The following TANC1 variants were observed in gnomAD, a reference collection of about 807,000 sequenced individuals.
The protein encoded by TANC1 is tetratricopeptide repeat, ankyrin repeat and coiled-coil containing 1.
Under a neutral mutation model 149.7 loss-of-function variants are expected in TANC1, and 77 were observed. The ratio of observed to expected loss-of-function variants is 0.51; its 90% CI spans 0.43 to 0.62. The LOEUF (loss-of-function observed/expected upper bound fraction) is 0.62, where lower values mean the gene tolerates loss of function less well. Among genes scored for constraint, TANC1 ranks in the 20% least tolerant of loss-of-function variants. The pLI, the probability that TANC1 is intolerant of heterozygous loss-of-function variation, is 0.00. For missense variants in TANC1, 1,985 were observed against 2,321.8 expected (o/e 0.85, Z 2.98); for synonymous variants, 854 against 925.0 (o/e 0.92, Z 1.39).
chr2:159,111,705 C>G (rs968042745), intron 4 of TANC1, among the ~76,000 whole-genome samples: 1 of 152,170 alleles, frequency 6.6e-6, no homozygotes, highest in African/African-American at 2.4e-5. Context: ...GCCTCCTCCT[C>G]TTAGAGTGCA....
At chr2:159,046,669 G>A (rs895533349) in intron 2 of TANC1, among the ~76,000 whole-genome samples, 5 of 136,960 alleles carry the variant, frequency 3.7e-5, no homozygotes, top group Admixed American at 1.6e-4. Context: ...GCACAATCTC[G>A]GCTCATTGCA....
At chr2:159,197,252 C>A (rs1262034579) in intron 18 of TANC1, among the ~76,000 whole-genome samples, 1 of 152,188 alleles carries the variant, frequency 6.6e-6, no homozygotes, top group Non-Finnish European at 1.5e-5. Context: ...TTGTCATTTA[C>A]AGCTCCTCCA....
chr2:158,998,632 C>G (rs531667233), intron 1 of TANC1, among the ~76,000 whole-genome samples: 6 of 152,298 alleles, frequency 3.9e-5, no homozygotes, highest in Non-Finnish European at 8.8e-5. Flanking sequence ...ACCCACTGGA[C>G]TGACGTGGAT....
rs115924071 is a variant in TANC1, at chr2:159,106,665, T to A, written c.259+8831T>A. Among the ~76,000 whole-genome samples the A allele has an allele frequency of 3.2e-3, 480 of 152,374 alleles. 1 individual carries two copies. The highest frequency in any genetic ancestry group is 0.011 in the African/African-American group (454 of 41,588). The stretch of plus-strand genomic sequence containing the variant: ...GTGTCTGCATTTTTATATGGACATA[T>A]ATTTTTCCCTTGGGTATATACCTAG... On this transcript the variant is annotated intron_variant, in intron 4 of 26. Transcript: ENST00000263635.
At chr2:159,225,911 G>A in intron 24 of TANC1, 132 bp downstream of exon 24, 1 of 771,836 alleles carries the variant, frequency 1.3e-6, no homozygotes, top group Non-Finnish European at 2.2e-6. Flanking sequence ...GCTGGGTGGG[G>A]TGGCTCACGC....
chr2:159,214,642 A>T (rs142011418), intron 19 of TANC1, among the ~76,000 whole-genome samples: 106 of 152,346 alleles, frequency 7.0e-4, no homozygotes, highest in East Asian at 1.9e-4. Flanking sequence ...TGAAGTTGTT[A>T]CGCCTCTTGG....
At chr2:159,066,043 G>A (rs1263471055) in intron 3 of TANC1, 72 bp downstream of exon 3, 4 of 1,227,884 alleles carry the variant, frequency 3.3e-6, no homozygotes, top group Non-Finnish European at 4.8e-6. Flanking sequence ...CAGGCCGGAT[G>A]GATTTGTTGC....
At chr2:159,197,632 G>C (rs574837984) in intron 18 of TANC1, among the ~76,000 whole-genome samples, 349 of 151,058 alleles carry the variant, frequency 2.3e-3, no homozygotes, top group African/African-American at 7.7e-3. Flanking sequence ...CACACACAGA[G>C]AGATACTGTT....
intron 5 of TANC1, among the ~76,000 whole-genome samples, chr2:159,142,211 G>A (rs2051451237): frequency 6.6e-6 from 1 of 152,222 alleles, no homozygotes; most frequent in South Asian, 2.1e-4. Flanking sequence ...TTCTGACAGT[G>A]TAGGCTGTGG....
At chr2:159,228,517 TCTCTGAGGCTGCCCCTC>T (rs554380932) in intron 25 of TANC1, 279 of 424,998 alleles carry the variant, frequency 6.6e-4, no homozygotes, top group African/African-American at 5.1e-3. Flanking sequence ...TCTGCGCTCC[TCTCTGAGGCTGCCCCTC>T]CACCGGGCTG....
Position 159,219,823 on chromosome 2 carries a change from C to T in TANC1, c.3634C>T (p.Arg1212Cys), listed in dbSNP as rs768936831. 26 of 1,613,706 alleles carry T rather than the reference C, an allele frequency of 1.6e-5. No individual in the cohort carries two copies. Among genetic ancestry groups the T allele is most frequent in the Non-Finnish European group, 2.2e-5 (26 of 1,180,018 alleles). The change falls in exon 22 of 27, where the codon CGC becomes TGC. Residue 1212 changes from arginine to cysteine, a missense_variant. Transcript: ENST00000263635. Reference protein sequence around the residue: ...AAIDQTDKNGRTPLDLAAFYG... With the variant: ...AAIDQTDKNGCTPLDLAAFYG... ...AATAGACCAGACAGACAAGAATGGCCGCACACCCTTGGACCTGGCTGCCTT... is the reference window on the plus strand; with the variant it reads ...AATAGACCAGACAGACAAGAATGGCTGCACACCCTTGGACCTGGCTGCCTT...
At chr2:159,063,202 C>A (rs977801669) in intron 2 of TANC1, among the ~76,000 whole-genome samples, 1 of 152,076 alleles carries the variant, frequency 6.6e-6, no homozygotes, top group Non-Finnish European at 1.5e-5. Context: ...TGTATCATGC[C>A]AATGTGTGAC....
intron 13 of TANC1, among the ~76,000 whole-genome samples, chr2:159,177,727 T>C (rs2056029509): frequency 6.6e-6 from 1 of 152,204 alleles, no homozygotes; most frequent in Admixed American, 6.5e-5. Flanking sequence ...ATTTAAATAC[T>C]TCAGAAACAA....
chr2:159,206,209 G>A (rs2058594524), intron 19 of TANC1, among the ~76,000 whole-genome samples: 1 of 152,202 alleles, frequency 6.6e-6, no homozygotes, highest in Non-Finnish European at 1.5e-5. Context: ...CCCTGTAAGG[G>A]GAGGGACAAA....
At chr2:159,177,932 G>A (rs555843729) in intron 13 of TANC1, among the ~76,000 whole-genome samples, 1 of 152,152 alleles carries the variant, frequency 6.6e-6, no homozygotes, top group Admixed American at 6.5e-5. Context: ...ATTGTCATTT[G>A]TACACAAATC....
intron 4 of TANC1, among the ~76,000 whole-genome samples, chr2:159,100,081 T>A (rs1179231483): frequency 1.3e-5 from 2 of 152,156 alleles, no homozygotes; most frequent in African/African-American, 2.4e-5. Context: ...ATTCAGAAAC[T>A]ATCGATATTT....
chr2:159,061,833 A>G (rs1487599895), intron 2 of TANC1, among the ~76,000 whole-genome samples: 1 of 152,176 alleles, frequency 6.6e-6, no homozygotes, highest in Non-Finnish European at 1.5e-5. Flanking sequence ...TAAGTATTTG[A>G]GTTCAACAGT....
At chr2:158,987,228 A>C (rs2149256108) in intron 1 of TANC1, among the ~76,000 whole-genome samples, 1 of 150,594 alleles carries the variant, frequency 6.6e-6, no homozygotes, top group African/African-American at 2.4e-5. Flanking sequence ...AAAAAAAAAA[A>C]AAAAGAGTCA....
chr2:159,112,685 C>T (rs2047866904), intron 4 of TANC1, among the ~76,000 whole-genome samples: 1 of 151,810 alleles, frequency 6.6e-6, no homozygotes. Flanking sequence ...AAGCAGTCCT[C>T]CCACCTGGGT....
Sources: allele counts gnomAD v4.1 joint callset (sites outside exome capture counted in the v4.1 genomes callset), GRCh38; gene constraint gnomAD v4.1.1; transcripts MANE v1.5; gene names NCBI Gene and HGNC (gene_info 2026-07-23, HGNC 2026-07-21).